The following TTC27 variants were observed in gnomAD, a reference collection of about 807,000 sequenced individuals.
The protein encoded by TTC27 is tetratricopeptide repeat domain 27, also known as tetratricopeptide repeat protein 27.
In TTC27, 79 loss-of-function variants were observed where a neutral mutation model predicts 115.9. That is an observed-to-expected ratio of 0.68 (90% CI 0.57 to 0.82). The LOEUF is 0.82. Among genes scored for constraint, TTC27 ranks in the 40% least tolerant of loss-of-function variants. TTC27 has a pLI of 0.00. For synonymous variants in TTC27, 401 were observed against 356.0 expected (o/e 1.13, Z -1.42); for missense variants, 1,054 against 993.1 (o/e 1.06, Z -0.82).
At chr2:32,688,120 C>T (rs937627231) in intron 9 of TTC27, among the ~76,000 whole-genome samples, 4 of 152,060 alleles carry the variant, frequency 2.6e-5, no homozygotes, top group Non-Finnish European at 4.4e-5. Context: ...CCATAGATTA[C>T]ATATAGTACT....
At chr2:32,810,193 A>G (rs1360790873) in intron 16 of TTC27, among the ~76,000 whole-genome samples, 1 of 152,076 alleles carries the variant, frequency 6.6e-6, no homozygotes, top group Non-Finnish European at 1.5e-5. Context: ...TCGCATGCCT[A>G]ATGCAAATGC....
At chr2:32,818,219 G>C (rs551844251) in intron 19 of TTC27, among the ~76,000 whole-genome samples, 1 of 151,872 alleles carries the variant, frequency 6.6e-6, no homozygotes. Flanking sequence ...ATTCATTTCA[G>C]TACATATTAG....
intron 12 of TTC27, among the ~76,000 whole-genome samples, chr2:32,740,660 C>T (rs1452797278): frequency 1.3e-5 from 2 of 152,158 alleles, no homozygotes; most frequent in East Asian, 3.9e-4. Flanking sequence ...TATTTACTTA[C>T]TTACTTATTT....
At chr2:32,637,214 A>G (rs983785674) in intron 3 of TTC27, among the ~76,000 whole-genome samples, 2 of 152,318 alleles carry the variant, frequency 1.3e-5, no homozygotes, top group Admixed American at 1.3e-4. Flanking sequence ...ATGTTAAATT[A>G]CTTGTTTGTT....
chr2:32,790,544 C>G (rs554335702), intron 16 of TTC27, among the ~76,000 whole-genome samples: 1 of 152,128 alleles, frequency 6.6e-6, no homozygotes, highest in South Asian at 2.1e-4. Flanking sequence ...GATTAACATA[C>G]CCACCACCTT....
At chr2:32,771,107 T>G (rs1669815272) in intron 13 of TTC27, among the ~76,000 whole-genome samples, 1 of 152,190 alleles carries the variant, frequency 6.6e-6, no homozygotes, top group Non-Finnish European at 1.5e-5. Context: ...ACCATAGACC[T>G]GATTCTGAAT....
chr2:32,749,005 G>C (rs1296733379), intron 12 of TTC27, among the ~76,000 whole-genome samples: 1 of 152,072 alleles, frequency 6.6e-6, no homozygotes, highest in Non-Finnish European at 1.5e-5. Context: ...TATTCTTAAT[G>C]CCTGTACCAG....
At chr2:32,801,930 G>A (rs1267211237) in intron 16 of TTC27, among the ~76,000 whole-genome samples, 2 of 152,190 alleles carry the variant, frequency 1.3e-5, no homozygotes, top group African/African-American at 2.4e-5. Context: ...AATATTGGGA[G>A]ATAAGACTGG....
chr2:32,658,868 A>G (rs981730212), intron 5 of TTC27, among the ~76,000 whole-genome samples: 3 of 152,224 alleles, frequency 2.0e-5, no homozygotes, highest in Non-Finnish European at 2.9e-5. Flanking sequence ...TTAGATATTT[A>G]GTGAAATAAA....
In TTC27 at chr2:32,709,225, A is replaced by G. The variant is rs533053838; in HGVS notation, c.1233+6305A>G. Among the ~76,000 whole-genome samples the G allele has an allele frequency of 9.0e-4, 137 of 152,244 alleles. 2 individuals carry two copies. The highest frequency in any genetic ancestry group is 3.1e-3 in the African/African-American group (129 of 41,532). ...GCCCCTCCAAGAGGTAGAGATTAAT[A>G]CCCCTTAACTGTGAGCTGGACTTAA... On this transcript the variant is annotated intron_variant, in intron 10 of 19. Coordinates refer to ENST00000317907, the MANE Select transcript of TTC27 (RefSeq NM_017735.5).
At chr2:32,815,382 C>T (rs539177844) in intron 18 of TTC27, among the ~76,000 whole-genome samples, 43 of 151,632 alleles carry the variant, frequency 2.8e-4, no homozygotes, top group Non-Finnish European at 4.7e-4. Context: ...GGACTACAGG[C>T]GCCCACCACC....
intron 4 of TTC27, among the ~76,000 whole-genome samples, chr2:32,648,915 G>A (rs906288666): frequency 3.9e-5 from 6 of 152,176 alleles, no homozygotes; most frequent in Non-Finnish European, 8.8e-5. Context: ...GGAAGCTGAA[G>A]TGGGAGGATC....
At chr2:32,732,142 C>G (rs1668312854) in intron 10 of TTC27, among the ~76,000 whole-genome samples, 1 of 152,150 alleles carries the variant, frequency 6.6e-6, no homozygotes, top group South Asian at 2.1e-4. Flanking sequence ...TCAGTGATCT[C>G]TTTATTTATG....
At chr2:32,643,792 T>C (rs1422525534) in intron 4 of TTC27, among the ~76,000 whole-genome samples, 3 of 151,670 alleles carry the variant, frequency 2.0e-5, no homozygotes, top group Admixed American at 6.6e-5. Context: ...ACCAGCACTT[T>C]GGGAGGCCAA....
chr2:32,696,151 T>C (rs1429742896), intron 9 of TTC27, among the ~76,000 whole-genome samples: 1 of 151,684 alleles, frequency 6.6e-6, no homozygotes, highest in Non-Finnish European at 1.5e-5. Context: ...AATTGTTCTT[T>C]TGTGACTGAC....
intron 10 of TTC27, among the ~76,000 whole-genome samples, chr2:32,716,250 A>T (rs1667749736): frequency 6.6e-6 from 1 of 152,204 alleles, no homozygotes; most frequent in Admixed American, 6.5e-5. Context: ...TCCAGCAGCC[A>T]TATGTCACTC....
intron 12 of TTC27, among the ~76,000 whole-genome samples, chr2:32,755,629 CGGAGAG>C (rs142995506): frequency 7.3e-5 from 11 of 150,296 alleles, no homozygotes; most frequent in African/African-American, 7.3e-5. Flanking sequence ...CGTGGGGAGA[CGGAGAG>C]GGAGAGGGAG....
chr2:32,757,666 A>G (rs775147995), intron 12 of TTC27, among the ~76,000 whole-genome samples: 3 of 152,198 alleles, frequency 2.0e-5, no homozygotes, highest in Non-Finnish European at 4.4e-5. Flanking sequence ...CATACTTAAT[A>G]GACTACAGTA....
At chr2:32,800,393 G>C (rs1670881397) in intron 16 of TTC27, among the ~76,000 whole-genome samples, 1 of 152,146 alleles carries the variant, frequency 6.6e-6, no homozygotes, top group African/African-American at 2.4e-5. Flanking sequence ...ATGTTGGCCA[G>C]GCTGGTCTCA....
Sources: allele counts gnomAD v4.1 joint callset (sites outside exome capture counted in the v4.1 genomes callset), GRCh38; gene constraint gnomAD v4.1.1; transcripts MANE v1.5; gene names NCBI Gene and HGNC (gene_info 2026-07-23, HGNC 2026-07-21).